QTMAN: variants seen among roughly 807,000 people sequenced by gnomAD.
The protein encoded by QTMAN is tRNA-queuosine alpha-mannosyltransferase.
the QTMAN span, among the ~76,000 whole-genome samples, chr2:144,259,329 T>C: frequency 6.6e-6 from 1 of 152,166 alleles, no homozygotes; most frequent in African/African-American, 2.4e-5. Flanking sequence ...TTGCTAATTT[T>C]TGTACTTTTG....
the QTMAN span, among the ~76,000 whole-genome samples, chr2:144,144,227 G>T: frequency 6.6e-6 from 1 of 151,966 alleles, no homozygotes; most frequent in African/African-American, 2.4e-5. Flanking sequence ...CAAACGGCAT[G>T]TGACCCAATG....
chr2:144,255,658 A>C, the QTMAN span, among the ~76,000 whole-genome samples: 11 of 152,264 alleles, frequency 7.2e-5, no homozygotes, highest in Non-Finnish European at 1.5e-4. Flanking sequence ...AAAAGTATAC[A>C]GACAGGATCA....
the QTMAN span, among the ~76,000 whole-genome samples, chr2:144,199,929 G>A: frequency 2.6e-5 from 4 of 152,094 alleles, no homozygotes; most frequent in African/African-American, 9.7e-5. Flanking sequence ...TGGCAGAGCT[G>A]AGATTAAAAC....
At chr2:144,249,188 C>T in the QTMAN span, among the ~76,000 whole-genome samples, 3 of 152,094 alleles carry the variant, frequency 2.0e-5, no homozygotes, top group Non-Finnish European at 4.4e-5. Flanking sequence ...TGACGCAGCA[C>T]AAATTCTAGA....
the QTMAN span, among the ~76,000 whole-genome samples, chr2:144,052,507 T>C: frequency 1.3e-5 from 2 of 152,188 alleles, no homozygotes; most frequent in African/African-American, 4.8e-5. Context: ...GTGAGATAGG[T>C]ATTATCATTC....
At chr2:144,255,910 G>T in the QTMAN span, among the ~76,000 whole-genome samples, 2 of 152,308 alleles carry the variant, frequency 1.3e-5, no homozygotes, top group African/African-American at 2.4e-5. Context: ...CCACTGGGGT[G>T]GGGGAGGTTG....
At chr2:143,950,808 G>A in the QTMAN span, 1 of 151,954 alleles carries the variant, frequency 6.6e-6, no homozygotes, top group Non-Finnish European at 1.5e-5. Flanking sequence ...TGTTTTCTCT[G>A]TGGAGCTTCC....
chr2:144,213,312 CT>C, the QTMAN span, among the ~76,000 whole-genome samples: 8 of 152,220 alleles, frequency 5.3e-5, no homozygotes, highest in African/African-American at 1.9e-4. Context: ...GCATTTAGAA[CT>C]GCTGTGGTAG....
chr2:144,124,148 A>C, the QTMAN span, among the ~76,000 whole-genome samples: 1 of 152,200 alleles, frequency 6.6e-6, no homozygotes, highest in African/African-American at 2.4e-5. Context: ...TTTCCTCCTC[A>C]ACTATGCTTT....
chr2:144,105,836 G>T, the QTMAN span, among the ~76,000 whole-genome samples: 1 of 152,164 alleles, frequency 6.6e-6, no homozygotes, highest in Non-Finnish European at 1.5e-5. Flanking sequence ...AGGAAAAAAT[G>T]TTAAGGGCAG....
chr2:144,320,693 G>A, the QTMAN span, among the ~76,000 whole-genome samples: 1 of 152,114 alleles, frequency 6.6e-6, no homozygotes, highest in African/African-American at 2.4e-5. Context: ...GTCTAGTCTG[G>A]CAGTATTTCC....
At chr2:144,128,795 C>T in the QTMAN span, among the ~76,000 whole-genome samples, 3 of 151,920 alleles carry the variant, frequency 2.0e-5, no homozygotes, top group Admixed American at 1.3e-4. Context: ...AAAACAAAAT[C>T]GACTGTCTAA....
At chr2:144,230,701 T>C in the QTMAN span, among the ~76,000 whole-genome samples, 1 of 152,172 alleles carries the variant, frequency 6.6e-6, no homozygotes, top group South Asian at 2.1e-4. Flanking sequence ...CTGGAACCAA[T>C]GTAGATCATT....
the QTMAN span, among the ~76,000 whole-genome samples, chr2:144,061,643 T>C: frequency 5.3e-5 from 8 of 152,272 alleles, no homozygotes; most frequent in South Asian, 1.2e-3. Flanking sequence ...GTACTATTAA[T>C]GCTGCTGATA....
chr2:144,058,133 AACACACACACACACAC>A, the QTMAN span, among the ~76,000 whole-genome samples: 3 of 97,184 alleles, frequency 3.1e-5, no homozygotes, highest in Admixed American at 1.2e-4. Context: ...CACCCCGCTA[AACACACACACACACAC>A]ACACACACAC....
At chr2:144,272,715 GTGTGTGTGTA>G in the QTMAN span, among the ~76,000 whole-genome samples, 1 of 152,066 alleles carries the variant, frequency 6.6e-6, no homozygotes, top group Non-Finnish European at 1.5e-5. Context: ...TACATTATGT[GTGTGTGTGTA>G]TGTGTGTGTG....
the QTMAN span, among the ~76,000 whole-genome samples, chr2:144,093,500 A>C: frequency 6.6e-6 from 1 of 152,230 alleles, no homozygotes; most frequent in Non-Finnish European, 1.5e-5. Flanking sequence ...TAATAACTAA[A>C]GTTAAAAAAC....
the QTMAN span, among the ~76,000 whole-genome samples, chr2:144,268,377 C>T: frequency 6.6e-6 from 1 of 152,112 alleles, no homozygotes; most frequent in Admixed American, 6.5e-5. Flanking sequence ...TCCCTTATAG[C>T]AATGCACAAT....
At chr2:144,103,060 G>A in the QTMAN span, among the ~76,000 whole-genome samples, 14 of 152,210 alleles carry the variant, frequency 9.2e-5, no homozygotes, top group Non-Finnish European at 1.8e-4. Context: ...AAAACCAGTC[G>A]TTATAGGGGA....
Sources: gnomAD v4.1 joint callset for allele counts (sites outside exome capture counted in the v4.1 genomes callset) on GRCh38, gnomAD v4.1.1 for gene constraint, MANE v1.5 for transcripts, NCBI Gene and HGNC (gene_info 2026-07-23, HGNC 2026-07-21) for gene names.